The following ATP2C1 variants were observed in gnomAD, a reference collection of about 807,000 sequenced individuals.
The protein encoded by ATP2C1 is calcium-transporting ATPase type 2C member 1.
In ATP2C1, 31 loss-of-function variants were observed where a neutral mutation model predicts 120.5. That is an observed-to-expected ratio of 0.26 (90% confidence interval 0.19 to 0.35). The LOEUF (loss-of-function observed/expected upper bound fraction) is 0.35, where lower values mean the gene tolerates loss of function less well. ATP2C1 is among the 10% of genes least tolerant of loss of function. ATP2C1 has a pLI of 1.00. For synonymous variants in ATP2C1, 351 were observed against 358.7 expected (o/e 0.98, Z 0.24); for missense variants, 731 against 1,107.5 (o/e 0.66, Z 4.83).
chr3:130,871,347 T>C (rs564918918), intron 1 of ATP2C1, among the ~76,000 whole-genome samples: 1 of 152,370 alleles, frequency 6.6e-6, no homozygotes, highest in Admixed American at 6.5e-5. Context: ...TTAATGCTTC[T>C]TGTAAACAGT....
At chr3:130,919,003 C>T in intron 2 of ATP2C1, 2 of 434,268 alleles carry the variant, frequency 4.6e-6, no homozygotes, top group Non-Finnish European at 9.1e-6. Flanking sequence ...AACAAACAAA[C>T]AAACAAACAA....
intron 20 of ATP2C1, among the ~76,000 whole-genome samples, chr3:130,987,899 G>A (rs2062099574): frequency 6.6e-6 from 1 of 152,168 alleles, no homozygotes; most frequent in South Asian, 2.1e-4. Context: ...AGTTTTGCTT[G>A]TTATTAAGTC....
At chr3:130,920,467 A>T in intron 2 of ATP2C1, among the ~76,000 whole-genome samples, 1 of 152,172 alleles carries the variant, frequency 6.6e-6, no homozygotes, top group Non-Finnish European at 1.5e-5. Context: ...TCTTTGTTGA[A>T]GATCAGTTGA....
Position 130,967,130 on chromosome 3 carries a change from CT to C in ATP2C1, c.1123-12del. On this transcript the variant is annotated splice_polypyrimidine_tract_variant and intron_variant, in intron 14 of 27. Transcript: ENST00000510168. ...TGTAGTGTTTGTATTATTGATCCCA[CT>C]TTGTGATCTTTAGGTTACTGGAGTT... The C allele has an allele frequency of 6.3e-7, 1 of 1,598,332 alleles. No individual in the cohort carries two copies. The highest frequency in any genetic ancestry group is 8.6e-7 in the Non-Finnish European group (1 of 1,165,786).
chr3:130,949,947 G>A (rs2060300845), intron 8 of ATP2C1, among the ~76,000 whole-genome samples: 1 of 152,074 alleles, frequency 6.6e-6, no homozygotes. Context: ...TTAATGATTT[G>A]CTTTTAATTC....
rs1168421338 is a variant in ATP2C1, at chr3:130,997,828, G to T, written c.2391+75G>T. 2.0e-6 allele frequency: 3 copies of T among 1,535,784 alleles called. No individual in the cohort carries two copies. The East Asian group carries it at 6.8e-5, about 35-fold the overall frequency. ...ATAGGATTCTTAGTTATTTTGATGGGTTACCCAGAAGGCTGGGAAGTTAAG... is the reference window on the plus strand; with the variant it reads ...ATAGGATTCTTAGTTATTTTGATGGTTTACCCAGAAGGCTGGGAAGTTAAG... On this transcript the variant is annotated intron_variant, in intron 25 of 27. Transcript: ENST00000510168.
chr3:130,971,992 G>C lies in ATP2C1; in HGVS notation c.1413+2596G>C, dbSNP rs575496987. On this transcript the variant is annotated intron_variant, in intron 17 of 27. Transcript: ENST00000510168. ...AGTTTTAGAAAAGCTGCCTGGTCTC[G>C]TAAGGCAGTGGTCCCCAGCCTTTTT... Among the ~76,000 whole-genome samples, 53 of 152,270 alleles carry C rather than the reference G, an allele frequency of 3.5e-4. 1 individual carries two copies. The highest frequency in any genetic ancestry group is 1.2e-3 in the African/African-American group (50 of 41,566).
intron 1 of ATP2C1, among the ~76,000 whole-genome samples, chr3:130,867,620 G>A (rs1288719421): frequency 2.0e-5 from 3 of 151,586 alleles, no homozygotes; most frequent in African/African-American, 7.3e-5. Context: ...GGAGTGCAGT[G>A]GCGTGATCTT....
chr3:130,850,721 TACAA>T, exon 1 of ATP2C1: 1 of 541,456 alleles, frequency 1.8e-6, no homozygotes, highest in Non-Finnish European at 3.1e-6. Flanking sequence ...GTTGTCGAGC[TACAA>T]ACAAATCTTT....
At chr3:130,910,496 T>C (rs1257263150) in intron 2 of ATP2C1, among the ~76,000 whole-genome samples, 2,624 of 142,998 alleles carry the variant, frequency 0.018, 93 homozygotes, top group African/African-American at 0.066. Flanking sequence ...TGAATAGGAG[T>C]GGTGAGAGAG....
chr3:130,996,055 A>AG lies in ATP2C1; in HGVS notation c.2071dup (p.Glu691GlyfsTer3). ...TTTTAAATTTCAGGTCTGCAATCGA[A>AG]GAGGGTAAAGGGATTTATAATAACA... On this transcript the variant is annotated frameshift_variant, in exon 23 of 28. Coordinates refer to ENST00000510168, the MANE Select transcript of ATP2C1 (RefSeq NM_001378687.1). LOFTEE classifies it high-confidence loss of function. The AG allele has an allele frequency of 6.2e-7, 1 of 1,601,506 alleles. No individual in the cohort carries two copies. Among genetic ancestry groups the AG allele is most frequent in the Non-Finnish European group, 8.6e-7 (1 of 1,168,994 alleles).
intron 1 of ATP2C1, chr3:130,869,429 T>TAAAAAAAAAAAAAAAAAAAAAAAAAAAAA (rs762137045): frequency 5.6e-5 from 6 of 106,628 alleles, no homozygotes; most frequent in East Asian, 3.2e-4. Flanking sequence ...CAATAAAAAA[T>TAAAAAAAAAAAAAAAAAAAAAAAAAAAAA]AAAAAAAAAA....
intron 1 of ATP2C1, among the ~76,000 whole-genome samples, chr3:130,880,652 A>G (rs1486524717): frequency 3.9e-5 from 6 of 152,222 alleles, no homozygotes; most frequent in Admixed American, 3.3e-4. Flanking sequence ...TCTATCATTT[A>G]TCTCATAAAC....
Position 130,930,402 on chromosome 3 carries a change from G to A in ATP2C1, c.7-14G>A. The A allele has an allele frequency of 6.5e-7, 1 of 1,537,568 alleles. No individual in the cohort carries two copies. Among genetic ancestry groups the A allele is most frequent in the South Asian group, 1.1e-5 (1 of 89,460 alleles). On this transcript the variant is annotated splice_polypyrimidine_tract_variant and intron_variant, in intron 2 of 27. Coordinates refer to ENST00000510168, the MANE Select transcript of ATP2C1 (RefSeq NM_001378687.1). ...GCTATATTCAAATATTTTTTCTTTG[G>A]TTTTACTTCCTAGGTTGCACGTTTT...
intron 2 of ATP2C1, among the ~76,000 whole-genome samples, chr3:130,924,278 A>AT (rs2059104194): frequency 6.6e-6 from 1 of 151,948 alleles, no homozygotes; most frequent in South Asian, 2.1e-4. Context: ...GTAGTGGCAA[A>AT]TTCTCCCAGC....
chr3:130,953,429 G>A (rs1254990903), intron 8 of ATP2C1, among the ~76,000 whole-genome samples: 1 of 150,880 alleles, frequency 6.6e-6, no homozygotes, highest in Admixed American at 6.6e-5. Context: ...TTCAGTCATC[G>A]TCGATGGTTT....
chr3:130,902,284 GTTTTTTT>G (rs1157956407), intron 2 of ATP2C1, among the ~76,000 whole-genome samples: 7 of 65,504 alleles, frequency 1.1e-4, no homozygotes, highest in Admixed American at 1.8e-4. Flanking sequence ...AAGGCTTCAC[GTTTTTTT>G]TTTTTGTTTT....
chr3:130,881,682 C>G (rs1274014107), intron 1 of ATP2C1, among the ~76,000 whole-genome samples: 1 of 152,204 alleles, frequency 6.6e-6, no homozygotes, highest in Non-Finnish European at 1.5e-5. Flanking sequence ...TTCTTGCATT[C>G]CATGAATATA....
At chr3:130,934,298 C>G (rs1463354436) in intron 4 of ATP2C1, among the ~76,000 whole-genome samples, 1 of 152,106 alleles carries the variant, frequency 6.6e-6, no homozygotes. Flanking sequence ...CCTGCTTTTT[C>G]TAGCCTCAGT....
Sources: allele counts gnomAD v4.1 joint callset (sites outside exome capture counted in the v4.1 genomes callset), GRCh38; gene constraint gnomAD v4.1.1; transcripts MANE v1.5; gene names NCBI Gene and HGNC (gene_info 2026-07-23, HGNC 2026-07-21).